NHSL2: variants seen among roughly 807,000 people sequenced by gnomAD.
NHSL2 encodes the protein NHS-like protein 2.
Under a neutral mutation model 53.4 loss-of-function variants are expected in NHSL2, and 27 were observed. The observed-to-expected ratio is 0.51, with a 90% confidence interval of 0.37 to 0.70. The LOEUF is 0.70. Among genes scored for constraint, NHSL2 ranks in the 30% least tolerant of loss-of-function variants. The pLI, the probability that NHSL2 is intolerant of heterozygous loss-of-function variation, is 0.00. For synonymous variants in NHSL2, 408 were observed against 404.1 expected, an observed-to-expected ratio of 1.01 and a Z score of -0.12; for missense variants, 892 against 980.1, an observed-to-expected ratio of 0.91 and a Z score of 1.20.
intron 1 of NHSL2, among the ~76,000 whole-genome samples, chrX:72,064,941 C>A (rs749639188): frequency 8.9e-6 from 1 of 112,051 alleles, no homozygotes; most frequent in East Asian, 2.8e-4. Flanking sequence ...AGCCACCATG[C>A]CTCCCTCCCT....
chrX:72,143,563 C>T lies in NHSL2; in HGVS notation c.3667C>T (p.Pro1223Ser). Residue 1223 changes from proline (P) to serine (S), a missense_variant, in exon 8 of 8, where the codon CCC (proline) becomes TCC (serine). Transcript: ENST00000633930. ...FSKDYETTDNPST is the reference protein window; with the variant it reads ...FSKDYETTDNSST ...AAAAGACTATGAAACCACCGATAACCCCAGTACCTAAGCCCTGGGCTCAAC... is the reference window on the plus strand; with the variant it reads ...AAAAGACTATGAAACCACCGATAACTCCAGTACCTAAGCCCTGGGCTCAAC... 8.7e-7 allele frequency: 1 copy of T among 1,145,248 alleles called. No individual in the cohort carries two copies. Among genetic ancestry groups the T allele is most frequent in the Non-Finnish European group, 1.2e-6 (1 of 857,507 alleles). 94.4% of individuals were successfully genotyped at this position (1,145,248 alleles called of 1,213,427 possible).
intron 1 of NHSL2, among the ~76,000 whole-genome samples, chrX:71,953,299 A>G (rs2041829098): frequency 8.9e-6 from 1 of 112,373 alleles, no homozygotes; most frequent in African/African-American, 3.2e-5. Context: ...TGTGTCCCCC[A>G]GAGAGTGGGA....
intron 1 of NHSL2, among the ~76,000 whole-genome samples, chrX:72,044,341 T>G (rs936936220): frequency 2.7e-5 from 3 of 111,734 alleles, no homozygotes; most frequent in African/African-American, 6.5e-5. Flanking sequence ...TTCCACCCAA[T>G]TTTTGGAATT....
At chrX:72,011,531 G>A (rs1250025546) in intron 1 of NHSL2, among the ~76,000 whole-genome samples, 2 of 111,326 alleles carry the variant, frequency 1.8e-5, no homozygotes, top group East Asian at 2.8e-4. Flanking sequence ...TTAGCCAGGC[G>A]TGGTGGTGCG....
rs180902543 is a variant in NHSL2 at position 71,980,354 on chromosome X, G to A, written c.280+68987G>A. Among the ~76,000 whole-genome samples the A allele has an allele frequency of 6.1e-3, 684 of 111,492 alleles. 5 individuals carry two copies. Among genetic ancestry groups the A allele is most frequent in the African/African-American group, 0.021 (640 of 30,602 alleles). Reference sequence around the variant, plus strand: ...TTGAATCTGTAAATTACCTTGGGCAGTATGGCCATTTTCACGATATTGATT... The same window carrying A: ...TTGAATCTGTAAATTACCTTGGGCAATATGGCCATTTTCACGATATTGATT... On this transcript the variant is annotated intron_variant, in intron 1 of 7. Transcript: ENST00000633930.
intron 1 of NHSL2, among the ~76,000 whole-genome samples, chrX:71,945,566 C>T (rs1337119745): frequency 9.0e-6 from 1 of 111,613 alleles, no homozygotes. Context: ...ACCAGACCTC[C>T]GACTTGGGGC....
chrX:72,090,675 C>T (rs752574341), intron 1 of NHSL2, among the ~76,000 whole-genome samples: 3 of 110,968 alleles, frequency 2.7e-5, no homozygotes, highest in Non-Finnish European at 5.7e-5. Context: ...CCTAACCCCC[C>T]ATCCCCACTT....
chrX:72,005,514 A>G (rs891511852), intron 1 of NHSL2, among the ~76,000 whole-genome samples: 10 of 111,986 alleles, frequency 8.9e-5, no homozygotes, highest in African/African-American at 2.9e-4. Context: ...CCCCGGAGTC[A>G]TTTTGAACAA....
At chrX:72,111,825 G>A (rs976649595) in intron 1 of NHSL2, among the ~76,000 whole-genome samples, 1 of 111,618 alleles carries the variant, frequency 9.0e-6, no homozygotes, top group Non-Finnish European at 1.9e-5. Flanking sequence ...GTATATGCTG[G>A]TGACCAAGAC....
intron 1 of NHSL2, among the ~76,000 whole-genome samples, chrX:72,123,668 G>A (rs2042198839): frequency 8.9e-6 from 1 of 112,388 alleles, no homozygotes; most frequent in Admixed American, 9.3e-5. Context: ...GCTTGGTCAT[G>A]TGAGGAGATC....
At chrX:72,016,646 A>T (rs2042137167) in intron 1 of NHSL2, among the ~76,000 whole-genome samples, 1 of 110,911 alleles carries the variant, frequency 9.0e-6, no homozygotes, top group Non-Finnish European at 1.9e-5. Flanking sequence ...CAAAGAACCC[A>T]CATAACCCAT....
Position 72,139,917 on chromosome X carries a change from T to G in NHSL2, c.2369T>G (p.Ile790Ser). 3 of 1,210,877 alleles carry G rather than the reference T, an allele frequency of 2.5e-6. No homozygotes were observed. The highest frequency in any genetic ancestry group is 3.4e-6 in the Non-Finnish European group (3 of 895,065). The change falls in exon 6 of 8, where the codon ATC (isoleucine) becomes AGC (serine). Residue 790 changes from isoleucine (I) to serine (S), a missense_variant. Coordinates refer to ENST00000633930, the MANE Select transcript of NHSL2 (RefSeq NM_001013627.3). ...NLDLSGMSIS[I>S]RSKTKVSRHH... ...GATCTGTCTGGGATGAGTATCTCCA[T>G]CCGAAGCAAAACTAAGGTGAGTCGG...
intron 1 of NHSL2, among the ~76,000 whole-genome samples, chrX:72,125,024 A>G (rs1443347867): frequency 9.2e-6 from 1 of 109,062 alleles, no homozygotes; most frequent in Non-Finnish European, 1.9e-5. Flanking sequence ...TCACATTGCT[A>G]TTGCAGCAGC....
Position 72,143,690 on chromosome X carries a change from C to T in NHSL2, c.*116C>T, listed in dbSNP as rs2042438236. On this transcript the variant is annotated 3_prime_UTR_variant, in exon 8 of 8. Transcript: ENST00000633930. The stretch of plus-strand genomic sequence containing the variant: ...AGAGCCTACATTTCTTTTATATTAA[C>T]TCACACTCTGGACAGCAGGAGAGAG... 1.6e-5 allele frequency: 8 copies of T among 485,807 alleles called. No homozygotes were observed. Among genetic ancestry groups the T allele is most frequent in the Non-Finnish European group, 2.4e-5 (7 of 290,113 alleles). 40.0% of individuals were successfully genotyped at this position (485,807 alleles called of 1,213,427 possible).
At chrX:72,063,863 C>T (rs72630034) in intron 1 of NHSL2, among the ~76,000 whole-genome samples, 10,076 of 110,060 alleles carry the variant, frequency 0.092, 694 homozygotes, top group African/African-American at 0.23. Flanking sequence ...AGACTATTTA[C>T]GTTTGGGAAG....
In NHSL2 at chrX:72,143,379, G is replaced by A; in HGVS notation, c.3483G>A (p.Gly1161=). Residue 1161 remains glycine, a synonymous_variant, in exon 8 of 8, where the codon GGG becomes GGA. Coordinates refer to ENST00000633930, the MANE Select transcript of NHSL2 (RefSeq NM_001013627.3). ...TCAGTGAGTCTACCGCCACTGCAGG[G>A]TCAGGCAGCAGTGCCAACCTAGATG... The part of the protein sequence containing the change: ...SPISESTATA[G]SGSSANLDAG... The A allele has an allele frequency of 1.7e-6, 2 of 1,166,643 alleles. No homozygotes were observed. Among genetic ancestry groups the A allele is most frequent in the African/African-American group, 3.6e-5 (2 of 56,241 alleles).
intron 1 of NHSL2, among the ~76,000 whole-genome samples, chrX:71,988,760 C>T (rs781677890): frequency 1.8e-5 from 2 of 111,212 alleles, no homozygotes; most frequent in Admixed American, 1.9e-4. Context: ...AGATCCAGAC[C>T]CCAAGAGAGA....
At chrX:72,069,025 T>C (rs1191342625) in intron 1 of NHSL2, among the ~76,000 whole-genome samples, 1 of 112,750 alleles carries the variant, frequency 8.9e-6, no homozygotes, top group Non-Finnish European at 1.9e-5. Context: ...CTTACAGAAC[T>C]GGATCCATCC....
intron 1 of NHSL2, among the ~76,000 whole-genome samples, chrX:71,966,903 G>A (rs2041903314): frequency 8.9e-6 from 1 of 111,846 alleles, no homozygotes; most frequent in South Asian, 3.7e-4. Context: ...GATTTCACCA[G>A]TGAACCCATC....
Sources: allele counts gnomAD v4.1 joint callset (sites outside exome capture counted in the v4.1 genomes callset), GRCh38; gene constraint gnomAD v4.1.1; transcripts MANE v1.5; gene names NCBI Gene and HGNC (gene_info 2026-07-23, HGNC 2026-07-21).